Variants in FCRL2 observed in about 807,000 individuals in gnomAD.
FCRL2 encodes the protein Fc receptor-like protein 2.
A neutral mutation model predicts 59.8 loss-of-function variants in FCRL2; 48 were observed. The ratio of observed to expected loss-of-function variants is 0.80; its 90% CI spans 0.64 to 1.02. The LOEUF (loss-of-function observed/expected upper bound fraction) is 1.02, where lower values mean the gene tolerates loss of function less well. Among genes scored for constraint, FCRL2 ranks in the 50% least tolerant of loss-of-function variants. FCRL2 has a pLI of 0.00. For synonymous variants in FCRL2, 251 were observed against 229.5 expected (o/e 1.09, Z -0.85); for missense variants, 658 against 597.3 (o/e 1.10, Z -1.06).
intron 7 of FCRL2, among the ~76,000 whole-genome samples, chr1:157,760,732 A>G (rs1383365663): frequency 4.7e-5 from 7 of 149,812 alleles, no homozygotes; most frequent in Non-Finnish European, 1.0e-4. Flanking sequence ...AGAAAGAAAG[A>G]AAGAAAGAAA....
chr1:157,758,857 G>C (rs937595076), intron 7 of FCRL2, among the ~76,000 whole-genome samples: 24 of 152,130 alleles, frequency 1.6e-4, no homozygotes, highest in African/African-American at 4.6e-4. Flanking sequence ...AAATGCTGAT[G>C]GGATAACTGG....
At chr1:157,773,644 C>T (rs554464314) in intron 2 of FCRL2, among the ~76,000 whole-genome samples, 1 of 152,178 alleles carries the variant, frequency 6.6e-6, no homozygotes, top group South Asian at 2.1e-4. Flanking sequence ...TGTGATGGCT[C>T]CAATGCCAAC....
At chr1:157,769,718 C>G (rs1251447420) in intron 4 of FCRL2, 148 bp downstream of exon 4, 1 of 908,202 alleles carries the variant, frequency 1.1e-6, no homozygotes, top group Non-Finnish European at 1.6e-6. Context: ...TGAGCCACCG[C>G]GCCCGGCCGC....
intron 7 of FCRL2, among the ~76,000 whole-genome samples, chr1:157,755,195 C>T (rs11264813): frequency 0.018 from 2,703 of 152,210 alleles, 71 homozygotes; most frequent in African/African-American, 0.061. Flanking sequence ...AGAGCTAATA[C>T]ATTTAGTATA....
At chr1:157,774,605 C>T (rs1178437293) in intron 2 of FCRL2, 5 of 382,452 alleles carry the variant, frequency 1.3e-5, no homozygotes, top group African/African-American at 1.1e-4. Flanking sequence ...GCTGTCTTGG[C>T]ATGATTCCAC....
intron 7 of FCRL2, among the ~76,000 whole-genome samples, chr1:157,756,908 T>C (rs942450746): frequency 6.6e-6 from 1 of 152,246 alleles, no homozygotes; most frequent in Admixed American, 6.5e-5. Context: ...CATCATGCTG[T>C]ACATAAATAC....
intron 5 of FCRL2, 137 bp downstream of exon 5, chr1:157,768,277 G>T: frequency 1.2e-6 from 1 of 802,934 alleles, no homozygotes; most frequent in Non-Finnish European, 2.0e-6. Flanking sequence ...TAACCTGCAA[G>T]CGTAACCCAT....
chr1:157,746,659 T>A lies in FCRL2; in HGVS notation c.*77A>T. On this transcript the variant is annotated 3_prime_UTR_variant, in exon 12 of 12. Coordinates refer to ENST00000361516, the MANE Select transcript of FCRL2 (RefSeq NM_030764.4). ...TGTGGCAGGTGATAAGCCTCAAGCA[T>A]TTTCATAAGGTTTTATAGCAAGTCT... The A allele has an allele frequency of 6.7e-7, 1 of 1,493,678 alleles. No individual in the cohort carries two copies. The highest frequency in any genetic ancestry group is 9.3e-7 in the Non-Finnish European group (1 of 1,073,954). 92.5% of individuals were successfully genotyped at this position (1,493,678 alleles called of 1,614,324 possible).
intron 7 of FCRL2, among the ~76,000 whole-genome samples, chr1:157,763,663 GA>G (rs1346064495): frequency 1.3e-5 from 2 of 152,080 alleles, no homozygotes; most frequent in Admixed American, 6.5e-5. Context: ...TAAAAGGATG[GA>G]AAAAAATAGT....
intron 7 of FCRL2, among the ~76,000 whole-genome samples, chr1:157,764,226 T>TA (rs1370507520): frequency 1.4e-5 from 2 of 146,802 alleles, no homozygotes; most frequent in African/African-American, 5.2e-5. Flanking sequence ...AATAAATAAA[T>TA]AATGGTGAAA....
chr1:157,770,459 T>C lies in FCRL2; in HGVS notation c.260A>G (p.Gln87Arg). 1 of 1,614,128 alleles carries C rather than the reference T, an allele frequency of 6.2e-7. No homozygotes were observed. ...TGAAGTTTTATCCCAGAGAAAGAGT[T>C]GTCCTTTGGTACTACAGAAATAGTT... Reference protein sequence around the residue: ...SGNYFCSTKGQLFLWDKTSNI... With the variant: ...SGNYFCSTKGRLFLWDKTSNI... Residue 87 changes from glutamine (Q) to arginine (R), a missense_variant, in exon 3 of 12, where the codon CAA becomes CGA. Coordinates refer to ENST00000361516, the MANE Select transcript of FCRL2 (RefSeq NM_030764.4).
chr1:157,760,811 AG>A (rs1288862664), intron 7 of FCRL2, among the ~76,000 whole-genome samples: 10 of 151,580 alleles, frequency 6.6e-5, no homozygotes, highest in South Asian at 6.3e-4. Context: ...GGAAGGAAGG[AG>A]GGAAGGAAGG....
At position 157,770,099 on chromosome 1, in the gene FCRL2, C is replaced by A; in HGVS notation, c.362G>T (p.Gly121Val). 1 of 1,614,172 alleles carries A rather than the reference C, an allele frequency of 6.2e-7. No individual in the cohort carries two copies. Among genetic ancestry groups the A allele is most frequent in the Non-Finnish European group, 8.5e-7 (1 of 1,180,040 alleles). ...LTASSFQPIE[G>V]GPVSLKCETR... ...CTCACATTTCAGGCTCACTGGACCC[C>A]CTTCGATGGGCTGGAAGGAGCTGGC... Residue 121 changes from glycine (G) to valine (V), a missense_variant, in exon 4 of 12, where the codon GGG becomes GTG. Gly to Val is a moderately radical substitution (Grantham distance 109, BLOSUM62 -3). Transcript: ENST00000361516.
intron 7 of FCRL2, among the ~76,000 whole-genome samples, chr1:157,750,895 C>T (rs905075751): frequency 6.6e-6 from 1 of 152,138 alleles, no homozygotes; most frequent in Admixed American, 6.5e-5. Flanking sequence ...TGTGATGATA[C>T]ATTGGTTCAC....
intron 7 of FCRL2, among the ~76,000 whole-genome samples, chr1:157,762,452 A>G (rs1045149955): frequency 6.6e-6 from 1 of 152,200 alleles, no homozygotes; most frequent in Non-Finnish European, 1.5e-5. Flanking sequence ...ATTTTTGAAT[A>G]CTTTTGGAAA....
At chr1:157,772,699 G>C (rs570281791) in intron 2 of FCRL2, among the ~76,000 whole-genome samples, 1 of 152,218 alleles carries the variant, frequency 6.6e-6, no homozygotes, top group African/African-American at 2.4e-5. Context: ...TTTACTCTTT[G>C]GACTTTGGTT....
At chr1:157,767,930 G>A (rs959794602) in intron 5 of FCRL2, 15 of 323,108 alleles carry the variant, frequency 4.6e-5, no homozygotes, top group African/African-American at 2.6e-4. Flanking sequence ...CAGGACTATA[G>A]GACTGGGTTA....
intron 5 of FCRL2, 62 bp from the exon 6 acceptor site, chr1:157,767,571 C>T: frequency 1.2e-6 from 2 of 1,614,198 alleles, no homozygotes; most frequent in Non-Finnish European, 1.7e-6. Context: ...TCACAAACTC[C>T]CAACCTGCAG....
chr1:157,760,727 G>T (rs908556644), intron 7 of FCRL2, among the ~76,000 whole-genome samples: 76 of 144,162 alleles, frequency 5.3e-4, no homozygotes, highest in East Asian at 1.3e-3. Context: ...AAGAAAGAAA[G>T]AAAGAAAGAA....
Sources: gnomAD v4.1 joint callset for allele counts (sites outside exome capture counted in the v4.1 genomes callset) on GRCh38, gnomAD v4.1.1 for gene constraint, MANE v1.5 for transcripts, NCBI Gene and HGNC (gene_info 2026-07-23, HGNC 2026-07-21) for gene names.